JAM3: variants seen among roughly 807,000 people sequenced by gnomAD.
JAM3 encodes the protein junctional adhesion molecule C.
JAM3 carries 31 observed loss-of-function variants against 39.4 expected under a neutral mutation model. The ratio of observed to expected loss-of-function variants is 0.79; its 90% CI spans 0.59 to 1.06. The LOEUF is 1.06. Among genes scored for constraint, JAM3 ranks in the 50% least tolerant of loss-of-function variants. JAM3 has a pLI of 0.00. For synonymous variants in JAM3, 182 were observed against 148.7 expected (o/e 1.22, Z -1.63); for missense variants, 455 against 391.4 (o/e 1.16, Z -1.37).
chr11:134,089,172 C>T (rs1941798175), intron 1 of JAM3, among the ~76,000 whole-genome samples: 1 of 152,112 alleles, frequency 6.6e-6, no homozygotes, highest in Non-Finnish European at 1.5e-5. Flanking sequence ...TTGTGTCTCC[C>T]ATTCTTTCTT....
At chr11:134,099,454 C>T (rs1942036793) in intron 1 of JAM3, among the ~76,000 whole-genome samples, 1 of 152,164 alleles carries the variant, frequency 6.6e-6, no homozygotes, top group African/African-American at 2.4e-5. Flanking sequence ...TTCTCACTGT[C>T]TCGCCCTCTC....
rs971254862 is a variant in JAM3, at chr11:134,149,799, C to G, written c.*618C>G. 2 of 403,248 alleles carry G rather than the reference C, an allele frequency of 5.0e-6. No individual in the cohort carries two copies. Among genetic ancestry groups the G allele is most frequent in the Non-Finnish European group, 1.0e-5 (2 of 199,440 alleles). The allele number at this position is 403,248 out of a possible 1,614,324, so 25.0% of individuals were successfully genotyped here. A position where few individuals can be genotyped will look rare whatever the true frequency, so the allele number is the denominator to read the frequency against. ...GTAAATTGGTTGCTGGAAGAGGGATCTTGCCTGAGGAACCCTGCTTGTCCA... is the reference window on the plus strand; with the variant it reads ...GTAAATTGGTTGCTGGAAGAGGGATGTTGCCTGAGGAACCCTGCTTGTCCA... On this transcript the variant is annotated 3_prime_UTR_variant, in exon 9 of 9. Transcript: ENST00000299106.
chr11:134,123,197 C>T (rs1460300586), intron 1 of JAM3, among the ~76,000 whole-genome samples: 3 of 151,204 alleles, frequency 2.0e-5, no homozygotes, highest in African/African-American at 7.3e-5. Context: ...CTATATGTCA[C>T]TGCTTTTATT....
chr11:134,124,198 G>A (rs760886805), intron 1 of JAM3: 38 of 1,436,940 alleles, frequency 2.6e-5, no homozygotes, highest in Non-Finnish European at 3.2e-5. Context: ...TCACAAACTC[G>A]AACCAAAGTC....
intron 3 of JAM3, 138 bp from the exon 4 acceptor site, chr11:134,144,103 T>C (rs1352271050): frequency 1.2e-5 from 10 of 815,226 alleles, no homozygotes; most frequent in Non-Finnish European, 2.0e-5. Flanking sequence ...AGTTCACTTC[T>C]GTACTCGGGA....
Position 134,151,624 on chromosome 11 carries a change from G to A in JAM3, c.*2443G>A, listed in dbSNP as rs943605701. ...AAGATATGAATGTGACTCAAGACTCGAGGCCGATACGAGGCTGTGATTCTG... is the reference window on the plus strand; with the variant it reads ...AAGATATGAATGTGACTCAAGACTCAAGGCCGATACGAGGCTGTGATTCTG... On this transcript the variant is annotated 3_prime_UTR_variant, in exon 9 of 9. Transcript: ENST00000299106. 2 of 152,160 alleles carry A rather than the reference G, an allele frequency of 1.3e-5. No individual in the cohort carries two copies. Among genetic ancestry groups the A allele is most frequent in the Non-Finnish European group, 2.9e-5 (2 of 68,046 alleles). The allele number at this position is 152,160 out of a possible 1,614,324, so 9.4% of individuals were successfully genotyped here. A position where few individuals can be genotyped will look rare whatever the true frequency, so the allele number is the denominator to read the frequency against.
intron 1 of JAM3, among the ~76,000 whole-genome samples, chr11:134,119,439 A>G (rs879340371): frequency 6.6e-6 from 1 of 152,218 alleles, no homozygotes; most frequent in Non-Finnish European, 1.5e-5. Context: ...TTTTCTTTTA[A>G]GAAGTGCCAT....
rs762845568 is a variant in JAM3 at position 134,145,008 on chromosome 11, T to C, written c.612+14T>C. ...ACAGGCACTTTGGTAAGATCTCTTC[T>C]AAGAGGTGAGGATGGAGATGTCTTT... On this transcript the variant is annotated intron_variant, in intron 5 of 8. Transcript: ENST00000299106. 1 of 1,592,724 alleles carries C rather than the reference T, an allele frequency of 6.3e-7. No individual in the cohort carries two copies. The highest frequency in any genetic ancestry group is 1.3e-5 in the African/African-American group (1 of 74,632).
chr11:134,086,318 G>A, intron 1 of JAM3, among the ~76,000 whole-genome samples: 1 of 151,942 alleles, frequency 6.6e-6, no homozygotes, highest in East Asian at 1.9e-4. Context: ...CTCCCTTTAT[G>A]GCTTAGTTAG....
intron 1 of JAM3, among the ~76,000 whole-genome samples, chr11:134,072,383 GCAAAAC>G (rs1941497013): frequency 7.3e-6 from 1 of 136,858 alleles, no homozygotes; most frequent in African/African-American, 2.8e-5. Flanking sequence ...AAAACTCACT[GCAAAAC>G]TCCGCCTCCC....
chr11:134,139,781 G>C, intron 1 of JAM3, 70 bp from the exon 2 acceptor site: 8 of 1,193,240 alleles, frequency 6.7e-6, no homozygotes, highest in Non-Finnish European at 1.0e-5. Context: ...GGGAAAACCT[G>C]ACCTCAGTGC....
chr11:134,109,617 T>TAAATCACATAACACATAACATAAAACA (rs1427426605), intron 1 of JAM3, among the ~76,000 whole-genome samples: 1 of 152,128 alleles, frequency 6.6e-6, no homozygotes, highest in African/African-American at 2.4e-5. Context: ...GAATAAAACA[T>TAAATCACATAACACATAACATAAAACA]GGAATCACAT....
chr11:134,078,709 G>T (rs963467374), intron 1 of JAM3, among the ~76,000 whole-genome samples: 6 of 152,150 alleles, frequency 3.9e-5, no homozygotes, highest in Non-Finnish European at 7.4e-5. Context: ...AAGTGTTCTT[G>T]TTATTAGGGT....
chr11:134,105,685 A>G (rs1213245431), intron 1 of JAM3, among the ~76,000 whole-genome samples: 1 of 148,886 alleles, frequency 6.7e-6, no homozygotes, highest in African/African-American at 2.5e-5. Context: ...TCCAGACATC[A>G]CAAGCATTCT....
At chr11:134,122,143 C>G (rs536077337) in intron 1 of JAM3, among the ~76,000 whole-genome samples, 2 of 152,296 alleles carry the variant, frequency 1.3e-5, no homozygotes, top group South Asian at 4.1e-4. Flanking sequence ...AAAATCAAAA[C>G]TCCAGCAATA....
intron 1 of JAM3, among the ~76,000 whole-genome samples, chr11:134,074,320 G>A (rs1941530363): frequency 6.6e-6 from 1 of 152,126 alleles, no homozygotes. Context: ...TATTTTTTGT[G>A]TAATGAAAAA....
chr11:134,118,106 T>A (rs1302734106), intron 1 of JAM3, among the ~76,000 whole-genome samples: 1 of 152,188 alleles, frequency 6.6e-6, no homozygotes, highest in South Asian at 2.1e-4. Flanking sequence ...TCAGGGCAAA[T>A]ATTAGGGATA....
intron 1 of JAM3, among the ~76,000 whole-genome samples, chr11:134,113,093 C>A (rs621953): frequency 6.6e-6 from 1 of 151,880 alleles, no homozygotes; most frequent in South Asian, 2.1e-4. Flanking sequence ...AGCATGGTAA[C>A]TGGCATATAT....
chr11:134,071,081 A>G lies in JAM3; in HGVS notation c.76+1922A>G, dbSNP rs578246204. ...AAGTCATGACTACTGTGTCCTTTTT[A>G]TTTTTTATGATTATTCTCAATTGCT... is the stretch of plus-strand genomic sequence containing the variant. On this transcript the variant is annotated intron_variant, in intron 1 of 8. Transcript: ENST00000299106. Among the ~76,000 whole-genome samples the G allele has an allele frequency of 3.3e-5, 5 of 152,092 alleles. No individual in the cohort carries two copies. The South Asian group carries it at 8.3e-4, about 25-fold the overall frequency.
Sources: allele counts gnomAD v4.1 joint callset (sites outside exome capture counted in the v4.1 genomes callset), GRCh38; gene constraint gnomAD v4.1.1; transcripts MANE v1.5; gene names NCBI Gene and HGNC (gene_info 2026-07-23, HGNC 2026-07-21).